PPP1R15B: variants seen among roughly 807,000 people sequenced by gnomAD.
PPP1R15B encodes the protein protein phosphatase 1, regulatory (inhibitor) subunit 15B.
Under a neutral mutation model 53.9 loss-of-function variants are expected in PPP1R15B, and 31 were observed. The ratio of observed to expected loss-of-function variants is 0.58; its 90% CI spans 0.43 to 0.78. The LOEUF (loss-of-function observed/expected upper bound fraction) is 0.78. Ranked by LOEUF, PPP1R15B falls within the 30% of genes least tolerant of loss-of-function variation. PPP1R15B has a pLI of 0.00. For missense variants in PPP1R15B, 928 were observed against 849.6 expected (o/e 1.09, Z -1.15); for synonymous variants, 345 against 329.1 (o/e 1.05, Z -0.52).
chr1:204,398,098 G>A (rs890408391), downstream of PPP1R15B, among the ~76,000 whole-genome samples: 1 of 152,108 alleles, frequency 6.6e-6, no homozygotes, highest in Non-Finnish European at 1.5e-5. Flanking sequence ...AAATACTCTG[G>A]TCACTGCGCA....
rs1203534354 is a variant in PPP1R15B at position 204,410,088 on chromosome 1, C to A, written c.1324G>T (p.Asp442Tyr). ...TCATCCCAATCCTCACCTTCTGGATCAGAACTTGTTTCCAGGTCACTGGAT... is the reference window on the plus strand; with the variant it reads ...TCATCCCAATCCTCACCTTCTGGATAAGAACTTGTTTCCAGGTCACTGGAT... ...GASSDLETSSDPEGEDWDEEA... is the reference protein window; with the variant it reads ...GASSDLETSSYPEGEDWDEEA... The change falls in exon 1 of 2, where the codon GAT becomes TAT. Residue 442 changes from aspartate (D) to tyrosine (Y), a missense_variant. Transcript: ENST00000367188. 1 of 1,614,076 alleles carries A rather than the reference C, an allele frequency of 6.2e-7. No homozygotes were observed. Among genetic ancestry groups the A allele is most frequent in the Non-Finnish European group, 8.5e-7 (1 of 1,180,052 alleles).
Position 204,410,963 on chromosome 1 carries a change from T to C in PPP1R15B, c.449A>G (p.Gln150Arg), listed in dbSNP as rs759136870. 5.0e-6 allele frequency: 8 copies of C among 1,614,120 alleles called. No homozygotes were observed. Among genetic ancestry groups the C allele is most frequent in the Admixed American group, 1.7e-5 (1 of 60,016 alleles). The change falls in exon 1 of 2, where the codon CAA becomes CGA. Residue 150 changes from glutamine (Q) to arginine (R), a missense_variant. Coordinates refer to ENST00000367188, the MANE Select transcript of PPP1R15B (RefSeq NM_032833.5). ...LDWLEEGIHWQYSPPDLKLEL... is the reference protein window; with the variant it reads ...LDWLEEGIHWRYSPPDLKLEL... Reference sequence around the variant, plus strand: ...CAATTTTAGGTCTGGGGGCGAGTATTGCCAGTGGATCCCCTCCTCTAGCCA... The same window carrying C: ...CAATTTTAGGTCTGGGGGCGAGTATCGCCAGTGGATCCCCTCCTCTAGCCA...
Position 204,410,807 on chromosome 1 carries a change from G to A in PPP1R15B, c.605C>T (p.Ser202Phe). 2 of 1,614,212 alleles carry A rather than the reference G, an allele frequency of 1.2e-6. No individual in the cohort carries two copies. The highest frequency in any genetic ancestry group is 1.3e-5 in the African/African-American group (1 of 75,052). Residue 202 changes from serine to phenylalanine, a missense_variant, in exon 1 of 2, where the codon TCT becomes TTT. Physicochemically the swap from Ser to Phe is radical, Grantham distance 155 (BLOSUM62 -2). Transcript: ENST00000367188. Reference sequence around the variant, plus strand: ...AATGTTTAGAGGCCCAGAGGGCGAAGAGCCAAGTTCCCGGTTAGAGTACAG... The same window carrying A: ...AATGTTTAGAGGCCCAGAGGGCGAAAAGCCAAGTTCCCGGTTAGAGTACAG... ...SRLYSNRELG[S>F]SPSGPLNIQR...
At chr1:204,400,384 C>T (rs1298566983), downstream of PPP1R15B, among the ~76,000 whole-genome samples, 1 of 151,144 alleles carries the variant, frequency 6.6e-6, no homozygotes, top group East Asian at 1.9e-4. Context: ...CTCACTTTGT[C>T]GTGCAGGCTG....
intron 1 of PPP1R15B, among the ~76,000 whole-genome samples, chr1:204,408,737 G>C (rs537598225): frequency 6.6e-6 from 1 of 152,138 alleles, no homozygotes; most frequent in South Asian, 2.1e-4. Flanking sequence ...TAATTAAAGC[G>C]TAAAATGCTG....
chr1:204,409,466 G>C (rs769179884), intron 1 of PPP1R15B, 26 bp downstream of exon 1: 4 of 1,586,774 alleles, frequency 2.5e-6, no homozygotes, highest in Non-Finnish European at 3.4e-6. Flanking sequence ...GAACATATCA[G>C]GCATGTTAAA....
intron 1 of PPP1R15B, among the ~76,000 whole-genome samples, chr1:204,407,108 A>T (rs73061878): frequency 0.069 from 10,513 of 152,264 alleles, 958 homozygotes; most frequent in African/African-American, 0.21. Context: ...ATCACTGCAT[A>T]AAGGCTTTAA....
chr1:204,410,908 G>C lies in PPP1R15B; in HGVS notation c.504C>G (p.Asp168Glu). Residue 168 changes from aspartate (D) to glutamate (E), a missense_variant, in exon 1 of 2, where the codon GAC (aspartate) becomes GAG (glutamate). Transcript: ENST00000367188. ...LELKAKGSAL[D>E]PAAQAFLLEQ... is the part of the protein sequence containing the mutation. ...CTAAGAGAAAAGCCTGTGCTGCAGG[G>C]TCCAAAGCACTTCCCTTGGCCTTAA... is the stretch of plus-strand genomic sequence containing the variant. The C allele has an allele frequency of 6.2e-7, 1 of 1,614,050 alleles. No homozygotes were observed. Among genetic ancestry groups the C allele is most frequent in the Non-Finnish European group, 8.5e-7 (1 of 1,179,972 alleles).
rs1674344118 is a variant in PPP1R15B, at chr1:204,410,322, T to C, written c.1090A>G (p.Lys364Glu). 1.2e-6 allele frequency: 2 copies of C among 1,614,076 alleles called. No homozygotes were observed. The highest frequency in any genetic ancestry group is 1.7e-6 in the Non-Finnish European group (2 of 1,180,034). ...PGNTQESTEE[K>E]IELLTTEVPL... ...ACCTCTGTAGTTAATAATTCTATTT[T>C]TTCTTCAGTGGATTCCTGGGTGTTT... is the stretch of plus-strand genomic sequence containing the variant. Residue 364 changes from lysine (K) to glutamate (E), a missense_variant, in exon 1 of 2, where the codon AAA becomes GAA. Coordinates refer to ENST00000367188, the MANE Select transcript of PPP1R15B (RefSeq NM_032833.5).
chr1:204,404,254 C>A lies in PPP1R15B; in HGVS notation c.*1838G>T, dbSNP rs1473910494. ...ATCCCAGCACTTTGAGAGGCCGAGG[C>A]GGGCGGATCACGAGGTCAGCAGTTC... On this transcript the variant is annotated 3_prime_UTR_variant, in exon 2 of 2. Coordinates refer to ENST00000367188, the MANE Select transcript of PPP1R15B (RefSeq NM_032833.5). The A allele has an allele frequency of 1.0e-6, 1 of 978,434 alleles. No individual in the cohort carries two copies. The highest frequency in any genetic ancestry group is 6.2e-5 in the Admixed American group (1 of 16,218). The allele number at this position is 978,434 out of a possible 1,614,324, so 60.6% of individuals were successfully genotyped here.
In PPP1R15B at chr1:204,410,034, C is replaced by G; in HGVS notation, c.1378G>C (p.Asp460His). Reference protein sequence around the residue: ...EEAEDDGFDSDSSLSDSDLEQ... With the variant: ...EEAEDDGFDSHSSLSDSDLEQ... The stretch of plus-strand genomic sequence containing the variant: ...AGGTCTGAGTCTGACAGTGAGCTAT[C>G]ACTATCAAAACCATCATCCTCAGCT... Residue 460 changes from aspartate (D) to histidine (H), a missense_variant, in exon 1 of 2, where the codon GAT becomes CAT. By Grantham distance (81) the Asp-to-His change is moderately conservative. Coordinates refer to ENST00000367188, the MANE Select transcript of PPP1R15B (RefSeq NM_032833.5). 1 of 1,614,156 alleles carries G rather than the reference C, an allele frequency of 6.2e-7. No homozygotes were observed. Among genetic ancestry groups the G allele is most frequent in the Non-Finnish European group, 8.5e-7 (1 of 1,180,006 alleles).
downstream of PPP1R15B, among the ~76,000 whole-genome samples, chr1:204,398,532 A>G (rs911736738): frequency 2.0e-5 from 3 of 152,172 alleles, no homozygotes; most frequent in Non-Finnish European, 4.4e-5. Flanking sequence ...TGGTTCTCCT[A>G]TAAGAAAGAG....
chr1:204,402,392 A>G (rs1310817508), downstream of PPP1R15B, among the ~76,000 whole-genome samples: 1 of 152,028 alleles, frequency 6.6e-6, no homozygotes, highest in Non-Finnish European at 1.5e-5. Flanking sequence ...TGATCCATAT[A>G]TCTAGTATTA....
chr1:204,396,645 C>A (rs1051518669), downstream of PPP1R15B, among the ~76,000 whole-genome samples: 2 of 151,788 alleles, frequency 1.3e-5, no homozygotes, highest in East Asian at 3.9e-4. Context: ...CATAAGGGAA[C>A]TTTCTGGGTG....
Position 204,404,159 on chromosome 1 carries a change from A to T in PPP1R15B, c.*1933T>A. 1.0e-6 allele frequency: 1 copy of T among 985,338 alleles called. No individual in the cohort carries two copies. Among genetic ancestry groups the T allele is most frequent in the Non-Finnish European group, 1.2e-6 (1 of 829,904 alleles). The allele number at this position is 985,338 out of a possible 1,614,324, so 61.0% of individuals were successfully genotyped here. ...TGTTGCTTGAAACTAGCCTGTTTTCATGTTATTAGACCATCCTGTAAATGT... is the reference window on the plus strand; with the variant it reads ...TGTTGCTTGAAACTAGCCTGTTTTCTTGTTATTAGACCATCCTGTAAATGT... On this transcript the variant is annotated 3_prime_UTR_variant, in exon 2 of 2. Coordinates refer to ENST00000367188, the MANE Select transcript of PPP1R15B (RefSeq NM_032833.5).
At chr1:204,398,957 T>A (rs552145737), downstream of PPP1R15B, among the ~76,000 whole-genome samples, 1 of 152,256 alleles carries the variant, frequency 6.6e-6, no homozygotes, top group Non-Finnish European at 1.5e-5. Flanking sequence ...CCTAGCCAAA[T>A]TGAAATTTGT....
chr1:204,403,827 G>A lies in PPP1R15B; in HGVS notation c.*2265C>T. ...TCTCCTTCAGTCCAACTTTAAAATA[G>A]TCCTTTCTGTCCTTCTTATCACCTT... On this transcript the variant is annotated 3_prime_UTR_variant, in exon 2 of 2. Transcript: ENST00000367188. 1 of 985,764 alleles carries A rather than the reference G, an allele frequency of 1.0e-6. No individual in the cohort carries two copies. Among genetic ancestry groups the A allele is most frequent in the Non-Finnish European group, 1.2e-6 (1 of 829,904 alleles). The allele number at this position is 985,764 out of a possible 1,614,324, so 61.1% of individuals were successfully genotyped here.
chr1:204,401,643 C>T (rs984389909), downstream of PPP1R15B, among the ~76,000 whole-genome samples: 1 of 152,086 alleles, frequency 6.6e-6, no homozygotes, highest in Non-Finnish European at 1.5e-5. Flanking sequence ...AGAATAGAGT[C>T]CAAATGAAGT....
At chr1:204,407,198 T>A (rs1014990798) in intron 1 of PPP1R15B, among the ~76,000 whole-genome samples, 10 of 152,246 alleles carry the variant, frequency 6.6e-5, no homozygotes, top group African/African-American at 2.4e-4. Context: ...CATGTTGTAC[T>A]ATTTTTGTAT....
Sources: allele counts gnomAD v4.1 joint callset (sites outside exome capture counted in the v4.1 genomes callset), GRCh38; gene constraint gnomAD v4.1.1; transcripts MANE v1.5; gene names NCBI Gene and HGNC (gene_info 2026-07-23, HGNC 2026-07-21).